Variants in RAP1GAP2 observed in about 807,000 individuals in gnomAD.
RAP1GAP2 encodes the protein rap1 GTPase-activating protein 2.
Under a neutral mutation model 95.0 loss-of-function variants are expected in RAP1GAP2, and 27 were observed. The observed-to-expected ratio is 0.28, with a 90% CI of 0.21 to 0.39. The LOEUF is 0.39. RAP1GAP2 is among the 10% of genes least tolerant of loss of function. The pLI, the probability that RAP1GAP2 is intolerant of heterozygous loss-of-function variation, is 1.00. For missense variants in RAP1GAP2, 771 were observed against 970.0 expected (o/e 0.79, Z 2.72); for synonymous variants, 373 against 380.9 (o/e 0.98, Z 0.24).
intron 7 of RAP1GAP2, chr17:2,964,355 GGCTGGGGGCCCTGGGGGAGAGGA>G (rs1227437066): frequency 7.6e-6 from 1 of 130,982 alleles, no homozygotes; most frequent in Non-Finnish European, 1.6e-5. Context: ...TGGGGGGAGG[GGCTGGGGGCCCTGGGGGAGAGGA>G]GCTGGCGGGG....
intron 11 of RAP1GAP2, among the ~76,000 whole-genome samples, chr17:2,990,384 A>G (rs1353415498): frequency 2.6e-5 from 4 of 152,156 alleles, no homozygotes; most frequent in Non-Finnish European, 4.4e-5. Flanking sequence ...TTGCCAGATC[A>G]TATGGTGACT....
intron 3 of RAP1GAP2, among the ~76,000 whole-genome samples, chr17:2,941,484 T>C (rs1342271266): frequency 1.3e-5 from 2 of 151,704 alleles, no homozygotes; most frequent in Non-Finnish European, 2.9e-5. Context: ...TGTGGGGAAC[T>C]GATTTGAGAG....
intron 2 of RAP1GAP2, among the ~76,000 whole-genome samples, chr17:2,818,990 C>T (rs2070162834): frequency 1.3e-5 from 2 of 151,782 alleles, no homozygotes; most frequent in African/African-American, 4.8e-5. Flanking sequence ...TATCGTTCTG[C>T]ATGTGTGTCT....
intron 2 of RAP1GAP2, among the ~76,000 whole-genome samples, chr17:2,896,288 C>T (rs1567753569): frequency 6.6e-6 from 1 of 152,188 alleles, no homozygotes; most frequent in South Asian, 2.1e-4. Flanking sequence ...CGTCGCCTCC[C>T]ACGCTGAGAC....
At chr17:2,924,549 G>A (rs1378185027) in intron 3 of RAP1GAP2, among the ~76,000 whole-genome samples, 1 of 151,658 alleles carries the variant, frequency 6.6e-6, no homozygotes, top group Admixed American at 6.6e-5. Flanking sequence ...GGTGGGGAGG[G>A]GAAAAGAGGG....
chr17:2,839,981 A>G (rs903367121), intron 2 of RAP1GAP2, among the ~76,000 whole-genome samples: 3 of 150,736 alleles, frequency 2.0e-5, no homozygotes, highest in Admixed American at 2.0e-4. Flanking sequence ...TATTTTTAGT[A>G]GAAACGGGGT....
At chr17:2,850,242 C>T (rs559479941) in intron 2 of RAP1GAP2, among the ~76,000 whole-genome samples, 27 of 150,490 alleles carry the variant, frequency 1.8e-4, no homozygotes, top group South Asian at 1.7e-3. Flanking sequence ...CCTCATGATC[C>T]GCCCGCCTCG....
At chr17:2,899,386 T>C (rs949794031) in intron 2 of RAP1GAP2, among the ~76,000 whole-genome samples, 1 of 151,900 alleles carries the variant, frequency 6.6e-6, no homozygotes, top group South Asian at 2.1e-4. Context: ...TTTTAAATAT[T>C]TTTTTTAGTA....
intron 2 of RAP1GAP2, among the ~76,000 whole-genome samples, chr17:2,815,456 ATATTATTATTAT>A (rs10675930): frequency 1.4e-3 from 191 of 140,116 alleles, no homozygotes; most frequent in East Asian, 1.9e-3. Context: ...AACATCTCTG[ATATTATTATTAT>A]TATTATTATT....
At chr17:2,932,256 G>C (rs2043179200) in intron 3 of RAP1GAP2, among the ~76,000 whole-genome samples, 1 of 152,104 alleles carries the variant, frequency 6.6e-6, no homozygotes, top group South Asian at 2.1e-4. Context: ...GCCTGGCTGG[G>C]GGTCTCTAGG....
rs956759065 is a variant in RAP1GAP2 at position 2,827,004 on chromosome 17, C to CGA, written c.80+26466_80+26467dup. ...CTGGTGTCACAGCGAGACTCCGTTT[C>CGA]GAGAGAGAGAGAGGAGAGAAAGAAA... On this transcript the variant is annotated intron_variant, in intron 2 of 24. Transcript: ENST00000254695. This position sits in a 1 kb window ranked among gnomAD's most constrained non-coding sequence, Gnocchi z 4.1. Among the ~76,000 whole-genome samples the CGA allele has an allele frequency of 2.0e-5, 3 of 150,540 alleles. No individual in the cohort carries two copies. Among genetic ancestry groups the CGA allele is most frequent in the Non-Finnish European group, 3.0e-5 (2 of 67,722 alleles).
chr17:2,786,739 G>A (rs534293449), intron 1 of RAP1GAP2, among the ~76,000 whole-genome samples: 3 of 151,548 alleles, frequency 2.0e-5, no homozygotes, highest in Non-Finnish European at 4.4e-5. Context: ...TCTGCCTCCC[G>A]GATTCAAGCG....
intron 2 of RAP1GAP2, among the ~76,000 whole-genome samples, chr17:2,897,050 G>A (rs2041854533): frequency 6.6e-6 from 1 of 152,222 alleles, no homozygotes; most frequent in Non-Finnish European, 1.5e-5. Flanking sequence ...ATAAACGGGT[G>A]TCCAGGCCAG....
At position 2,796,438 on chromosome 17, in the gene RAP1GAP2, A is replaced by C. The variant is rs1442881134; in HGVS notation, c.-90A>C. ...GCTGGGCTCCCCGCCCTGCACCGGCACTGACCCCGCTGTACCACGGCCCTC... is the reference window on the plus strand; with the variant it reads ...GCTGGGCTCCCCGCCCTGCACCGGCCCTGACCCCGCTGTACCACGGCCCTC... On this transcript the variant is annotated 5_prime_UTR_variant, in exon 1 of 25. Coordinates refer to ENST00000254695, the MANE Select transcript of RAP1GAP2 (RefSeq NM_015085.5). This position sits in a 1 kb window ranked among gnomAD's most constrained non-coding sequence, Gnocchi z 4.7. The C allele has an allele frequency of 1.9e-5, 28 of 1,452,596 alleles. No homozygotes were observed. The highest frequency in any genetic ancestry group is 2.3e-5 in the Non-Finnish European group (24 of 1,059,970). The allele number at this position is 1,452,596 out of a possible 1,614,324, so 90.0% of individuals were successfully genotyped here. A position where few individuals can be genotyped will look rare whatever the true frequency, so the allele number is the denominator to read the frequency against.
chr17:2,763,187 G>A (rs2068215490), intron 1 of RAP1GAP2, among the ~76,000 whole-genome samples: 2 of 152,166 alleles, frequency 1.3e-5, no homozygotes, highest in African/African-American at 4.8e-5. Context: ...CTCGTTAGTG[G>A]GGATCATCTG....
intron 12 of RAP1GAP2, among the ~76,000 whole-genome samples, 158 bp downstream of exon 12, chr17:2,991,555 T>C (rs2045751049): frequency 6.6e-6 from 1 of 151,422 alleles, no homozygotes; most frequent in African/African-American, 2.5e-5. Flanking sequence ...TTCTAAGGAA[T>C]CAGGGGTCCA....
At chr17:3,011,284 C>T (rs1203677524) in intron 17 of RAP1GAP2, among the ~76,000 whole-genome samples, 1 of 152,148 alleles carries the variant, frequency 6.6e-6, no homozygotes, top group Non-Finnish European at 1.5e-5. Flanking sequence ...TGTTCCCTGT[C>T]CCTTTCGTCA....
At chr17:2,822,304 C>T (rs1461013328) in intron 2 of RAP1GAP2, among the ~76,000 whole-genome samples, 1 of 152,092 alleles carries the variant, frequency 6.6e-6, no homozygotes, top group Non-Finnish European at 1.5e-5. Context: ...CGGTCTTTGC[C>T]GATTGCCATT....
chr17:2,913,260 C>G (rs1314798417), intron 3 of RAP1GAP2, among the ~76,000 whole-genome samples: 2 of 151,930 alleles, frequency 1.3e-5, no homozygotes, highest in Non-Finnish European at 2.9e-5. Flanking sequence ...CCTGTGCACA[C>G]CTGAGCATGT....
Sources: allele counts gnomAD v4.1 joint callset (sites outside exome capture counted in the v4.1 genomes callset), GRCh38; gene constraint gnomAD v4.1.1; non-coding constraint Gnocchi (gnomAD v3.1); transcripts MANE v1.5; gene names NCBI Gene and HGNC (gene_info 2026-07-23, HGNC 2026-07-21).